The following GRIP1 variants were observed in gnomAD, a reference collection of about 807,000 sequenced individuals.
GRIP1 encodes glutamate receptor-interacting protein 1.
GRIP1 carries 45 observed loss-of-function variants against 129.9 expected under a neutral mutation model. That is an observed-to-expected ratio of 0.35 (90% CI 0.27 to 0.44). The LOEUF is 0.44. Ranked by LOEUF, GRIP1 falls within the 20% of genes least tolerant of loss-of-function variation. The probability of loss-of-function intolerance (pLI) is 1.00; values close to 1 mark genes in which losing one functional copy is unlikely to be tolerated. For synonymous variants in GRIP1, 530 were observed against 520.8 expected (o/e 1.02, Z -0.24); for missense variants, 1,196 against 1,396.8 (o/e 0.86, Z 2.29).
rs1311174271 is a variant in GRIP1 at position 66,445,397 on chromosome 12, C to G, written c.1466G>C (p.Gly489Ala). Residue 489 changes from glycine to alanine, a missense_variant, in exon 12 of 25, where the codon GGC (glycine) becomes GCC (alanine). Gly to Ala is a moderately conservative substitution (Grantham distance 60, BLOSUM62 0). Around this residue, in one of 5 missense-constraint regions of GRIP1, gnomAD observed 508 missense variants for 587.0 expected, o/e 0.87. Transcript: ENST00000359742. ...PVTGFGIQLQ[G>A]SVFATETLSS... ...GAGAGTTTCTGTGGCAAACACACTG[C>G]CCTGCAGTTGGATCCCAAATCCTGT... The G allele has an allele frequency of 1.9e-6, 3 of 1,614,050 alleles. No individual in the cohort carries two copies. The African/African-American group carries it at 4.0e-5, about 22-fold the overall frequency.
At chr12:66,749,442 G>A (rs1389511864) in intron 1 of GRIP1, among the ~76,000 whole-genome samples, 1 of 152,104 alleles carries the variant, frequency 6.6e-6, no homozygotes, top group Non-Finnish European at 1.5e-5. Flanking sequence ...AGCAAACAAT[G>A]GCTATGAGCA....
chr12:66,944,592 G>GA (rs1381960608), intron 1 of GRIP1, among the ~76,000 whole-genome samples: 1 of 152,016 alleles, frequency 6.6e-6, no homozygotes, highest in Non-Finnish European at 1.5e-5. Context: ...AGATGTGTGA[G>GA]AAAGTCCTGC....
chr12:66,495,950 C>T (rs753324208), intron 7 of GRIP1, among the ~76,000 whole-genome samples: 1 of 152,128 alleles, frequency 6.6e-6, no homozygotes, highest in Non-Finnish European at 1.5e-5. Flanking sequence ...TGAACCGAAG[C>T]GCGCCAGGAG....
rs946932772 is a variant in GRIP1, at chr12:66,539,123, C to T, written c.373G>A (p.Gly125Arg). The T allele has an allele frequency of 1.2e-6, 2 of 1,614,092 alleles. No homozygotes were observed. Among genetic ancestry groups the T allele is most frequent in the Non-Finnish European group, 1.7e-6 (2 of 1,179,998 alleles). ...TCTACTTCAAGAACCACTCTTTCTCCCACATTCTTCAGCAAGCTGATGATC... is the reference window on the plus strand; with the variant it reads ...TCTACTTCAAGAACCACTCTTTCTCTCACATTCTTCAGCAAGCTGATGATC... ...DEIISLLKNV[G>R]ERVVLEVEYE... Residue 125 changes from glycine to arginine, a missense_variant, in exon 4 of 25, where the codon GGA becomes AGA. Gly to Arg is a moderately radical substitution (Grantham distance 125). Coordinates refer to ENST00000359742, the MANE Select transcript of GRIP1 (RefSeq NM_001366722.1).
At chr12:66,999,192 AAG>A (rs148920163) in intron 1 of GRIP1, among the ~76,000 whole-genome samples, 1,538 of 152,304 alleles carry the variant, frequency 0.01, 27 homozygotes, top group African/African-American at 0.035. Flanking sequence ...AAAAAATAAT[AAG>A]AGTTTTAATG....
At chr12:66,737,642 G>A (rs1459455792) in intron 1 of GRIP1, among the ~76,000 whole-genome samples, 1 of 151,972 alleles carries the variant, frequency 6.6e-6, no homozygotes, top group South Asian at 2.1e-4. Context: ...CCTCTTCCTC[G>A]AACTCAGTAT....
At chr12:66,747,623 G>A (rs1172944893) in intron 1 of GRIP1, among the ~76,000 whole-genome samples, 1 of 152,140 alleles carries the variant, frequency 6.6e-6, no homozygotes, top group African/African-American at 2.4e-5. Context: ...CTTATTTGGG[G>A]ATGAGGGATA....
intron 1 of GRIP1, among the ~76,000 whole-genome samples, chr12:66,642,696 T>C (rs1391844131): frequency 6.6e-6 from 1 of 152,098 alleles, no homozygotes; most frequent in Non-Finnish European, 1.5e-5. Flanking sequence ...ATTTGCAAAT[T>C]ATGAACAATG....
At chr12:66,353,144 G>A (rs750371448) in intron 24 of GRIP1, among the ~76,000 whole-genome samples, 2 of 152,164 alleles carry the variant, frequency 1.3e-5, no homozygotes, top group Non-Finnish European at 2.9e-5. Context: ...GGAGATGACC[G>A]TGGTTGGGTG....
chr12:66,372,638 T>G (rs1372711433), intron 22 of GRIP1, among the ~76,000 whole-genome samples: 1 of 152,228 alleles, frequency 6.6e-6, no homozygotes, highest in African/African-American at 2.4e-5. Flanking sequence ...GCAGTAGGAC[T>G]TGAATTGGAT....
chr12:66,949,166 C>T (rs1020103441), intron 1 of GRIP1, among the ~76,000 whole-genome samples: 3 of 152,074 alleles, frequency 2.0e-5, no homozygotes, highest in African/African-American at 7.2e-5. Context: ...TATGAAACTT[C>T]GGATATTTAA....
chr12:66,898,723 G>A (rs941376172), intron 1 of GRIP1, among the ~76,000 whole-genome samples: 5 of 151,866 alleles, frequency 3.3e-5, no homozygotes, highest in South Asian at 2.1e-4. Context: ...ATCCCTTATC[G>A]TTACAGATTT....
chr12:66,525,557 A>G (rs2061200741), intron 5 of GRIP1, among the ~76,000 whole-genome samples: 1 of 151,678 alleles, frequency 6.6e-6, no homozygotes, highest in Non-Finnish European at 1.5e-5. Flanking sequence ...ATCTATGACA[A>G]ACCCACAGCC....
chr12:66,782,621 G>T (rs765768629), intron 1 of GRIP1, among the ~76,000 whole-genome samples: 1 of 152,118 alleles, frequency 6.6e-6, no homozygotes, highest in Non-Finnish European at 1.5e-5. Context: ...TTCACTTCTG[G>T]TTATGGAAAC....
intron 7 of GRIP1, among the ~76,000 whole-genome samples, chr12:66,475,263 C>T (rs1009683934): frequency 1.3e-5 from 2 of 152,172 alleles, no homozygotes; most frequent in East Asian, 1.9e-4. Flanking sequence ...GGGATAAATT[C>T]AACAAGAAGA....
chr12:66,802,160 T>C (rs902146677), intron 1 of GRIP1, among the ~76,000 whole-genome samples: 1 of 152,142 alleles, frequency 6.6e-6, no homozygotes, highest in African/African-American at 2.4e-5. Context: ...CCTGGCTATT[T>C]GACATTTGAT....
At chr12:66,920,897 T>C (rs2041202408) in intron 1 of GRIP1, among the ~76,000 whole-genome samples, 1 of 152,228 alleles carries the variant, frequency 6.6e-6, no homozygotes, top group African/African-American at 2.4e-5. Flanking sequence ...CAGTAAGGCA[T>C]AAACGGACTT....
intron 1 of GRIP1, among the ~76,000 whole-genome samples, chr12:66,942,217 G>C (rs139455004): frequency 6.6e-6 from 1 of 152,120 alleles, no homozygotes; most frequent in African/African-American, 2.4e-5. Context: ...TGCCACTAGC[G>C]GATCAGGGAT....
At chr12:66,420,810 T>A (rs1296424255) in intron 14 of GRIP1, 21 bp from the exon 15 acceptor site, 6 of 1,327,510 alleles carry the variant, frequency 4.5e-6, no homozygotes, top group Admixed American at 1.7e-5. Context: ...GGAGATAGAA[T>A]AATCACATCT....
Sources: allele counts gnomAD v4.1 joint callset (sites outside exome capture counted in the v4.1 genomes callset), GRCh38; gene constraint gnomAD v4.1.1; regional missense constraint gnomAD v4.1.1; transcripts MANE v1.5; gene names NCBI Gene and HGNC (gene_info 2026-07-23, HGNC 2026-07-21).